SYTL3: variants seen among roughly 807,000 people sequenced by gnomAD.
SYTL3 encodes synaptotagmin-like protein 3.
Under a neutral mutation model 82.1 loss-of-function variants are expected in SYTL3, and 88 were observed. That is an observed-to-expected ratio of 1.07 (90% CI 0.90 to 1.28). The LOEUF (loss-of-function observed/expected upper bound fraction) is 1.28, where lower values mean the gene tolerates loss of function less well. SYTL3 is among the 50% of genes most tolerant of loss of function. The probability of loss-of-function intolerance (pLI) is 0.00; values close to 1 mark genes in which losing one functional copy is unlikely to be tolerated. For synonymous variants in SYTL3, 311 were observed against 289.4 expected (o/e 1.07, Z -0.76); for missense variants, 831 against 757.6 (o/e 1.10, Z -1.14).
At chr6:158,718,622 C>T (rs1427450952) in intron 10 of SYTL3, among the ~76,000 whole-genome samples, 1 of 152,240 alleles carries the variant, frequency 6.6e-6, no homozygotes, top group East Asian at 1.9e-4. Flanking sequence ...CTATTGAAAA[C>T]GTAAAGGCGC....
Position 158,742,833 on chromosome 6 carries a change from C to T in SYTL3, c.856-2647C>T, listed in dbSNP as rs6921704. Among the ~76,000 whole-genome samples the T allele has an allele frequency of 4.6e-3, 693 of 152,156 alleles. 2 individuals carry two copies. Among genetic ancestry groups the T allele is most frequent in the African/African-American group, 0.015 (609 of 41,514 alleles). On this transcript the variant is annotated intron_variant, in intron 11 of 17. Transcript: ENST00000611299. ...TGACCTCCTGACCTCATGATCTGCCCGCCTCGGCCTCCCAAAGTGCTGGGA... is the reference window on the plus strand; with the variant it reads ...TGACCTCCTGACCTCATGATCTGCCTGCCTCGGCCTCCCAAAGTGCTGGGA...
intron 11 of SYTL3, among the ~76,000 whole-genome samples, chr6:158,735,358 A>G (rs1786011919): frequency 6.6e-6 from 1 of 152,204 alleles, no homozygotes; most frequent in Non-Finnish European, 1.5e-5. Context: ...TTTTATAATT[A>G]TTAACTATGC....
At chr6:158,710,070 A>G (rs1782588249) in intron 8 of SYTL3, among the ~76,000 whole-genome samples, 2 of 152,148 alleles carry the variant, frequency 1.3e-5, no homozygotes, top group African/African-American at 2.4e-5. Flanking sequence ...ATGACAGAAC[A>G]CTTAACTGGC....
At chr6:158,670,775 C>CA (rs1297417383) in intron 5 of SYTL3, among the ~76,000 whole-genome samples, 22 of 148,670 alleles carry the variant, frequency 1.5e-4, no homozygotes, top group South Asian at 2.1e-4. Flanking sequence ...GACTCAATCT[C>CA]AAAAAAAAGA....
chr6:158,652,259 A>AT (rs1788105458), intron 2 of SYTL3, among the ~76,000 whole-genome samples: 1 of 133,256 alleles, frequency 7.5e-6, no homozygotes, highest in Non-Finnish European at 1.6e-5. Flanking sequence ...TATTATTATT[A>AT]TTTTTTGAGA....
intron 5 of SYTL3, among the ~76,000 whole-genome samples, chr6:158,666,777 A>C (rs1380046472): frequency 6.6e-6 from 1 of 152,188 alleles, no homozygotes; most frequent in Non-Finnish European, 1.5e-5. Context: ...CATTTACTTA[A>C]GTGTCCTGTC....
At chr6:158,748,895 A>C (rs922490531) in intron 12 of SYTL3, among the ~76,000 whole-genome samples, 7 of 151,768 alleles carry the variant, frequency 4.6e-5, no homozygotes, top group African/African-American at 1.7e-4. Context: ...GAATGAAAGA[A>C]GAGACAACAT....
intron 2 of SYTL3, among the ~76,000 whole-genome samples, chr6:158,655,370 A>G (rs1156376962): frequency 6.6e-6 from 1 of 152,166 alleles, no homozygotes; most frequent in Non-Finnish European, 1.5e-5. Context: ...AATATTCTTC[A>G]GGTTTCTCAA....
intron 14 of SYTL3, 85 bp downstream of exon 14, chr6:158,757,466 G>A (rs761519602): frequency 5.3e-5 from 76 of 1,443,402 alleles, no homozygotes; most frequent in Admixed American, 2.3e-4. Context: ...AAGAGAAAAC[G>A]TACCTGGCAA....
intron 5 of SYTL3, 94 bp from the exon 6 acceptor site, chr6:158,682,831 A>G: frequency 4.5e-6 from 4 of 887,772 alleles, no homozygotes; most frequent in African/African-American, 1.7e-5. Flanking sequence ...TGCAAGACTA[A>G]TATTTTGTGA....
upstream of SYTL3, among the ~76,000 whole-genome samples, chr6:158,648,607 A>AAT (rs1554234540): frequency 0.16 from 19,887 of 126,268 alleles, 1,758 homozygotes; most frequent in East Asian, 0.3. Flanking sequence ...AAAAAAAAAA[A>AAT]AATAATAATA....
chr6:158,747,804 A>T (rs1221583746), intron 12 of SYTL3, among the ~76,000 whole-genome samples: 1 of 151,890 alleles, frequency 6.6e-6, no homozygotes, highest in Non-Finnish European at 1.5e-5. Flanking sequence ...TTTCTATTGG[A>T]TTGTTTATTG....
At chr6:158,676,693 TCAAA>T (rs572873235) in intron 5 of SYTL3, among the ~76,000 whole-genome samples, 85 of 151,908 alleles carry the variant, frequency 5.6e-4, no homozygotes, top group Non-Finnish European at 9.4e-4. Flanking sequence ...TACAATGAAC[TCAAA>T]CAAATTTACA....
chr6:158,658,854 G>C (rs2128356834), intron 2 of SYTL3, among the ~76,000 whole-genome samples: 1 of 152,276 alleles, frequency 6.6e-6, no homozygotes, highest in East Asian at 1.9e-4. Context: ...ACTTGAACCT[G>C]GGAGGCGGAC....
intron 11 of SYTL3, among the ~76,000 whole-genome samples, chr6:158,739,801 C>G (rs1042833238): frequency 6.6e-6 from 1 of 152,054 alleles, no homozygotes; most frequent in African/African-American, 2.4e-5. Flanking sequence ...AGGCATGAAC[C>G]ATGGTATTTG....
chr6:158,758,269 T>C (rs1789411742), intron 14 of SYTL3, among the ~76,000 whole-genome samples: 1 of 151,788 alleles, frequency 6.6e-6, no homozygotes, highest in Non-Finnish European at 1.5e-5. Flanking sequence ...TGAAACCCCG[T>C]CTCTCTAAAA....
chr6:158,663,495 C>G lies in SYTL3; in HGVS notation c.110+117C>G, dbSNP rs531207610. On this transcript the variant is annotated intron_variant, in intron 4 of 17. Transcript: ENST00000611299. Reference sequence around the variant, plus strand: ...TCACTACCCACCTGCTGCTGGGCTTCGTGCCTGAGAAGGGTCCTAACGAAG... The same window carrying G: ...TCACTACCCACCTGCTGCTGGGCTTGGTGCCTGAGAAGGGTCCTAACGAAG... 5.4e-6 allele frequency: 8 copies of G among 1,491,398 alleles called. No individual in the cohort carries two copies. The African/African-American group carries it at 7.0e-5, about 13-fold the overall frequency. 92.4% of individuals were successfully genotyped at this position (1,491,398 alleles called of 1,614,324 possible).
intron 10 of SYTL3, among the ~76,000 whole-genome samples, chr6:158,721,872 G>A (rs1784146331): frequency 6.6e-6 from 1 of 151,552 alleles, no homozygotes; most frequent in South Asian, 2.1e-4. Context: ...AGCTCAATCG[G>A]ATGCCTGCCT....
At chr6:158,709,513 T>G (rs567315019) in intron 8 of SYTL3, among the ~76,000 whole-genome samples, 1 of 152,298 alleles carries the variant, frequency 6.6e-6, no homozygotes, top group Admixed American at 6.5e-5. Context: ...TATATTTGTA[T>G]ATATCGTCTA....
Sources: allele counts gnomAD v4.1 joint callset (sites outside exome capture counted in the v4.1 genomes callset), GRCh38; gene constraint gnomAD v4.1.1; transcripts MANE v1.5; gene names NCBI Gene and HGNC (gene_info 2026-07-23, HGNC 2026-07-21).